The following SLC49A3 variants were observed in gnomAD, a reference collection of about 807,000 sequenced individuals.
The protein encoded by SLC49A3 is solute carrier family 49 member 3.
Under a neutral mutation model 43.8 loss-of-function variants are expected in SLC49A3, and 50 were observed. That is an observed-to-expected ratio of 1.14 (90% CI 0.91 to 1.45). SLC49A3 has a LOEUF of 1.45. Ranked by LOEUF, SLC49A3 falls within the 40% of genes most tolerant of loss-of-function variation. SLC49A3 has a pLI of 0.00. For synonymous variants in SLC49A3, 413 were observed against 352.0 expected, an observed-to-expected ratio of 1.17 and a Z score of -1.94; for missense variants, 906 against 774.1, an observed-to-expected ratio of 1.17 and a Z score of -2.02.
chr4:678,143 G>T (rs1232556131), downstream of SLC49A3: 4 of 1,552,654 alleles, frequency 2.6e-6, no homozygotes, highest in Non-Finnish European at 3.5e-6. Flanking sequence ...GTGAATGCAG[G>T]TGTGGGCGTG....
Position 686,319 on chromosome 4 carries a change from G to GGGGACCGGGTCA in SLC49A3, c.295-29_295-18dup. On this transcript the variant is annotated splice_polypyrimidine_tract_variant and intron_variant, in intron 2 of 9. Transcript: ENST00000322224. ...CAGGATGGTCTGCGAGGAGGGGGTC[G>GGGGACCGGGTCA]GGGACCGGGTCAGGAACGCTGCCAC... 1 of 1,611,910 alleles carries GGGGACCGGGTCA rather than the reference G, an allele frequency of 6.2e-7. No individual in the cohort carries two copies. The highest frequency in any genetic ancestry group is 8.5e-7 in the Non-Finnish European group (1 of 1,179,434).
downstream of SLC49A3, chr4:678,080 G>A (rs753448014): frequency 6.2e-7 from 1 of 1,607,960 alleles, no homozygotes; most frequent in African/African-American, 1.4e-5. Flanking sequence ...TGTGAGCTGT[G>A]CTGTGCATGT....
chr4:691,023 ACG>A (rs1741843039), upstream of SLC49A3, among the ~76,000 whole-genome samples: 1 of 152,246 alleles, frequency 6.6e-6, no homozygotes, highest in Non-Finnish European at 1.5e-5. Context: ...GCGGTGGCTC[ACG>A]CCTGTAATCC....
At chr4:678,387 C>T (rs1216872719), downstream of SLC49A3, 48 of 1,414,494 alleles carry the variant, frequency 3.4e-5, no homozygotes, top group Admixed American at 1.5e-4. Context: ...TCCTGCTGGA[C>T]GGCGATCCCT....
chr4:684,096 C>T (rs1740475496), intron 6 of SLC49A3, among the ~76,000 whole-genome samples: 1 of 152,232 alleles, frequency 6.6e-6, no homozygotes, highest in South Asian at 2.1e-4. Flanking sequence ...AGAGGGCCAG[C>T]TCGGAGATAT....
chr4:691,102 T>C (rs1741849666), upstream of SLC49A3, among the ~76,000 whole-genome samples: 1 of 151,824 alleles, frequency 6.6e-6, no homozygotes, highest in African/African-American at 2.4e-5. Context: ...CTGGCCAACA[T>C]GGTGAAACCC....
In SLC49A3 at chr4:682,781, C is replaced by G; in HGVS notation, c.1261G>C (p.Val421Leu). ...QQGEDPLDWT[V>L]SLLLMAGLCT... ...TGGGGACTCCCCATGTGAGGCTCAC[C>G]TGTCCAGTCAAGTGGATCCTCCCCC... The change falls in exon 9 of 10, where the codon GTG becomes CTG. Residue 421 changes from valine to leucine, a missense_variant and splice_region_variant. Val to Leu is a conservative substitution (Grantham distance 32). Transcript: ENST00000322224. 6.4e-7 allele frequency: 1 copy of G among 1,574,624 alleles called. No individual in the cohort carries two copies. Among genetic ancestry groups the G allele is most frequent in the Non-Finnish European group, 8.7e-7 (1 of 1,155,478 alleles).
chr4:684,407 T>TGGAGGC, intron 6 of SLC49A3, 76 bp downstream of exon 6: 1 of 1,577,352 alleles, frequency 6.3e-7, no homozygotes, highest in Admixed American at 1.8e-5. Flanking sequence ...CTGGGCACCC[T>TGGAGGC]GGAGGCGGCG....
chr4:680,629 C>A, downstream of SLC49A3: 1 of 1,587,950 alleles, frequency 6.3e-7, no homozygotes, highest in Non-Finnish European at 8.6e-7. Context: ...TTCCGGGGAA[C>A]CCCAGTGATC....
chr4:686,343 A>G, intron 2 of SLC49A3, 41 bp from the exon 3 acceptor site: 1 of 1,601,350 alleles, frequency 6.2e-7, no homozygotes, highest in Non-Finnish European at 8.5e-7. Context: ...GAACGCTGCC[A>G]CCAGCCCAAG....
chr4:685,315 A>G lies in SLC49A3; in HGVS notation c.586-459T>C, dbSNP rs1003886243. Among the ~76,000 whole-genome samples the G allele has an allele frequency of 2.0e-5, 3 of 152,132 alleles. No individual in the cohort carries two copies. The highest frequency in any genetic ancestry group is 4.8e-5 in the African/African-American group (2 of 41,426). ...CATGTGCACAGACACACAGACACAT[A>G]TGCACACATCACACAATACACATGG... On this transcript the variant is annotated intron_variant, in intron 4 of 9. Coordinates refer to ENST00000322224, the MANE Select transcript of SLC49A3 (RefSeq NM_032219.4). The surrounding 1 kb of genome is among the most constrained non-coding windows in gnomAD (Gnocchi z 4.3).
chr4:680,080 C>A, downstream of SLC49A3: 2 of 1,370,892 alleles, frequency 1.5e-6, no homozygotes, highest in Non-Finnish European at 1.0e-6. Context: ...GAGATCCGGA[C>A]ATTTCACGTA....
intron 4 of SLC49A3, 124 bp from the exon 5 acceptor site, chr4:684,980 T>C (rs1577360360): frequency 7.4e-7 from 1 of 1,354,184 alleles, no homozygotes; most frequent in African/African-American, 1.5e-5. Context: ...CCTCCCAACC[T>C]CTGGTCTGCA....
Position 685,158 on chromosome 4 carries a change from G to T in SLC49A3, c.586-302C>A. The T allele has an allele frequency of 2.1e-6, 1 of 473,418 alleles. No individual in the cohort carries two copies. Among genetic ancestry groups the T allele is most frequent in the Non-Finnish European group, 3.8e-6 (1 of 265,610 alleles). The allele number at this position is 473,418 out of a possible 1,614,324, so 29.3% of individuals were successfully genotyped here. A position where few individuals can be genotyped will look rare whatever the true frequency, so the allele number is the denominator to read the frequency against. ...TGCCAGCTGCACAGCCCATGATAGG[G>T]CTCAACACACAGACACAGGTGGGTG... On this transcript the variant is annotated intron_variant, in intron 4 of 9. Coordinates refer to ENST00000322224, the MANE Select transcript of SLC49A3 (RefSeq NM_032219.4). The surrounding 1 kb of genome is among the most constrained non-coding windows in gnomAD (Gnocchi z 4.3).
chr4:678,419 T>C (rs916285069), downstream of SLC49A3: 11 of 1,420,042 alleles, frequency 7.7e-6, no homozygotes, highest in Non-Finnish European at 1.0e-5. Context: ...TCTGTGGGCC[T>C]TCTGGAAGCC....
chr4:682,023 C>G lies in SLC49A3; in HGVS notation c.1615G>C (p.Ala539Pro), dbSNP rs202097240. The change falls in exon 10 of 10, where the codon GCG becomes CCG. Residue 539 changes from alanine to proline, a missense_variant. Transcript: ENST00000322224. Reference protein sequence around the residue: ...RPGRLAGRVQASRFIDPAGSH... With the variant: ...RPGRLAGRVQPSRFIDPAGSH... ...CCAGCCGGGTCAATAAACCTGGACGCTTGGACCCTGCCTGCGAGTCTGCCG... is the reference window on the plus strand; with the variant it reads ...CCAGCCGGGTCAATAAACCTGGACGGTTGGACCCTGCCTGCGAGTCTGCCG... 2.1e-6 allele frequency: 3 copies of G among 1,430,518 alleles called. No individual in the cohort carries two copies. The African/African-American group carries it at 4.4e-5, about 21-fold the overall frequency. 88.6% of individuals were successfully genotyped at this position (1,430,518 alleles called of 1,614,324 possible).
chr4:678,675 G>C (rs1739110021), downstream of SLC49A3: 13 of 1,609,992 alleles, frequency 8.1e-6, 1 homozygote, highest in South Asian at 1.0e-4. Context: ...GGAAGACCAA[G>C]AAGAAGGAAG....
At chr4:682,986 G>T (rs1425680223) in intron 8 of SLC49A3, 96 bp from the exon 9 acceptor site, 2 of 1,215,602 alleles carry the variant, frequency 1.6e-6, no homozygotes, top group Admixed American at 2.3e-5. Context: ...TGTCCCTTGT[G>T]CCACCACCCT....
At chr4:680,555 C>A (rs751957458), downstream of SLC49A3, 1 of 1,613,530 alleles carries the variant, frequency 6.2e-7, no homozygotes, top group East Asian at 2.2e-5. Flanking sequence ...AGATGCTGGA[C>A]CCGGACGGGA....
Sources: allele counts gnomAD v4.1 joint callset (sites outside exome capture counted in the v4.1 genomes callset), GRCh38; gene constraint gnomAD v4.1.1; non-coding constraint Gnocchi (gnomAD v3.1); transcripts MANE v1.5; gene names NCBI Gene and HGNC (gene_info 2026-07-23, HGNC 2026-07-21).